Variants in WDR24 observed in about 807,000 individuals in gnomAD.
The protein encoded by WDR24 is WD repeat domain 24.
In WDR24, 32 loss-of-function variants were observed where a neutral mutation model predicts 66.7. The ratio of observed to expected loss-of-function variants is 0.48; its 90% CI spans 0.36 to 0.64. WDR24 has a LOEUF of 0.64. Among genes scored for constraint, WDR24 ranks in the 30% least tolerant of loss-of-function variants. The pLI, the probability that WDR24 is intolerant of heterozygous loss-of-function variation, is 0.00. For missense variants in WDR24, 978 were observed against 1,144.1 expected, an observed-to-expected ratio of 0.85 and a Z score of 2.09; for synonymous variants, 565 against 469.1, an observed-to-expected ratio of 1.20 and a Z score of -2.64.
At chr16:688,773 C>T (rs2039937198) in intron 1 of WDR24, among the ~76,000 whole-genome samples, 1 of 152,266 alleles carries the variant, frequency 6.6e-6, no homozygotes, top group Non-Finnish European at 1.5e-5. Context: ...CTCTGCCTCC[C>T]TGGGCCAGGA....
At chr16:688,758 ACCT>A (rs1216021747) in intron 1 of WDR24, among the ~76,000 whole-genome samples, 2 of 152,068 alleles carry the variant, frequency 1.3e-5, no homozygotes, top group Non-Finnish European at 2.9e-5. Context: ...CAGCAAACCC[ACCT>A]CCTCTGCCTC....
chr16:686,640 G>T (rs1596566418), intron 3 of WDR24, 104 bp downstream of exon 3: 1 of 1,371,216 alleles, frequency 7.3e-7, no homozygotes, highest in East Asian at 2.3e-5. Context: ...CGACTGGCTG[G>T]AGTCCATTGC....
chr16:685,487 C>A lies in WDR24; in HGVS notation c.1789G>T (p.Val597Leu). The A allele has an allele frequency of 6.2e-7, 1 of 1,600,342 alleles. No homozygotes were observed. Among genetic ancestry groups the A allele is most frequent in the Non-Finnish European group, 8.5e-7 (1 of 1,170,666 alleles). ...HLQDKADSPH[V>L]SGSEADVASL... ...GCCACATCCGCCTCGCTGCCGCTCA[C>A]GTGCGGGGAGTCGGCCTTGTCCTGC... Residue 597 changes from valine (V) to leucine (L), a missense_variant, in exon 7 of 9, where the codon GTG (valine) becomes TTG (leucine). By Grantham distance (32) the Val-to-Leu change is conservative (BLOSUM62 1). This residue lies in a region of WDR24 where 676 missense variants were observed against 617.5 expected (regional missense o/e 1.09). Coordinates refer to ENST00000293883, the MANE Select transcript of WDR24 (RefSeq NM_032259.4).
In WDR24 at chr16:686,951, G is replaced by A; in HGVS notation, c.1125C>T (p.His375=). The A allele has an allele frequency of 1.2e-6, 2 of 1,601,022 alleles. No homozygotes were observed. The highest frequency in any genetic ancestry group is 1.7e-6 in the Non-Finnish European group (2 of 1,177,084). The change falls in exon 3 of 9, where the codon CAC becomes CAT. Residue 375 remains histidine, a synonymous_variant. Coordinates refer to ENST00000293883, the MANE Select transcript of WDR24 (RefSeq NM_032259.4). ...GRKPYTGDRR[H]PIFFKRKLDP... The stretch of plus-strand genomic sequence containing the variant: ...CCAGCTTGCGCTTAAAGAAGATGGG[G>A]TGGCGCCGGTCGCCAGTGTAGGGCT...
At position 686,815 on chromosome 16, in the gene WDR24, G is replaced by C. The variant is rs747883266; in HGVS notation, c.1261C>G (p.Leu421Val). 3.1e-6 allele frequency: 5 copies of C among 1,612,160 alleles called. No individual in the cohort carries two copies. The Admixed American group carries it at 6.7e-5, about 22-fold the overall frequency. ...AGCTCGGCCAGTGGCCGGCCAGCCAGCGCATAACGCTCAGCTGTGTCCACA... is the reference window on the plus strand; with the variant it reads ...AGCTCGGCCAGTGGCCGGCCAGCCACCGCATAACGCTCAGCTGTGTCCACA... ...WFVDTAERYA[L>V]AGRPLAELCD... Residue 421 changes from leucine to valine, a missense_variant, in exon 3 of 9, where the codon CTG (leucine) becomes GTG (valine). Transcript: ENST00000293883.
Position 685,037 on chromosome 16 carries a change from C to G in WDR24, c.2159G>C (p.Ser720Thr). The part of the protein sequence containing the change: ...QASTTLHVNC[S>T]HCKRPMSSRG... ...GCTGCTCATGGGCCGCTTGCAGTGG[C>G]TGCAGTTGACGTGCAGGGTGGTGGA... The change falls in exon 8 of 9, where the codon AGC (serine) becomes ACC (threonine). Residue 720 changes from serine (S) to threonine (T), a missense_variant. Coordinates refer to ENST00000293883, the MANE Select transcript of WDR24 (RefSeq NM_032259.4). The G allele has an allele frequency of 1.3e-6, 2 of 1,557,368 alleles. No homozygotes were observed. Among genetic ancestry groups the G allele is most frequent in the Non-Finnish European group, 1.7e-6 (2 of 1,152,528 alleles).
intron 1 of WDR24, 141 bp from the exon 2 acceptor site, chr16:687,880 C>G (rs1296051790): frequency 3.4e-6 from 4 of 1,165,006 alleles, no homozygotes; most frequent in Non-Finnish European, 2.5e-6. Context: ...TCCCCAAGAT[C>G]TGCCCAAGGA....
intron 3 of WDR24, among the ~76,000 whole-genome samples, 194 bp downstream of exon 3, chr16:686,550 G>A (rs2039909869): frequency 1.1e-5 from 1 of 91,636 alleles, no homozygotes; most frequent in African/African-American, 5.6e-5. Flanking sequence ...TCAGAGGACA[G>A]TCCTGGGTCT....
At position 690,228 on chromosome 16, in the gene WDR24, A is replaced by T; in HGVS notation, c.-588T>A. Reference sequence around the variant, plus strand: ...GGTGTCTGGCGGGACCGGAGGCAGGAGAGAAGCCGGCGACCCCGGAGTACA... The same window carrying T: ...GGTGTCTGGCGGGACCGGAGGCAGGTGAGAAGCCGGCGACCCCGGAGTACA... On this transcript the variant is annotated 5_prime_UTR_variant, in exon 1 of 9. Transcript: ENST00000293883. The T allele has an allele frequency of 2.5e-6, 1 of 394,340 alleles. No individual in the cohort carries two copies. 24.4% of individuals were successfully genotyped at this position (394,340 alleles called of 1,614,324 possible). A position where few individuals can be genotyped will look rare whatever the true frequency, so the allele number is the denominator to read the frequency against.
In WDR24 at chr16:689,514, C is replaced by G. The variant is rs1228265075; in HGVS notation, c.127G>C (p.Val43Leu). Reference protein sequence around the residue: ...SVCRDAAQVVVAGRSIFKIYA... With the variant: ...SVCRDAAQVVLAGRSIFKIYA... ...ATCTTGAAGATGCTACGGCCTGCCACGACCACCTGGGCTGCGTCGCGGCAC... is the reference window on the plus strand; with the variant it reads ...ATCTTGAAGATGCTACGGCCTGCCAGGACCACCTGGGCTGCGTCGCGGCAC... The change falls in exon 1 of 9, where the codon GTG becomes CTG. Residue 43 changes from valine (V) to leucine (L), a missense_variant. Physicochemically the swap from Val to Leu is conservative, Grantham distance 32. Coordinates refer to ENST00000293883, the MANE Select transcript of WDR24 (RefSeq NM_032259.4). The G allele has an allele frequency of 6.2e-7, 1 of 1,613,162 alleles. No individual in the cohort carries two copies. The highest frequency in any genetic ancestry group is 8.5e-7 in the Non-Finnish European group (1 of 1,180,054).
intron 1 of WDR24, 80 bp downstream of exon 1, chr16:689,080 G>C: frequency 1.3e-6 from 2 of 1,567,568 alleles, no homozygotes; most frequent in East Asian, 2.3e-5. Context: ...TCTGATGCAC[G>C]GAGCCCTTTT....
At chr16:688,348 C>G (rs552498079) in intron 1 of WDR24, among the ~76,000 whole-genome samples, 35 of 152,334 alleles carry the variant, frequency 2.3e-4, no homozygotes, top group African/African-American at 7.7e-4. Context: ...GTGCAAGTGG[C>G]ACGATCTGGG....
intron 1 of WDR24, among the ~76,000 whole-genome samples, chr16:688,395 C>T (rs2039933614): frequency 6.6e-6 from 1 of 152,248 alleles, no homozygotes; most frequent in South Asian, 2.1e-4. Flanking sequence ...TCAAGCAATT[C>T]TCCTGCCCCA....
rs149004720 is a variant in WDR24 at position 687,570 on chromosome 16, G to A, written c.651C>T (p.Pro217=). The A allele has an allele frequency of 1.2e-5, 20 of 1,612,612 alleles. No individual in the cohort carries two copies. Among genetic ancestry groups the A allele is most frequent in the Middle Eastern group, 1.7e-4 (1 of 6,056 alleles). Residue 217 remains proline (P), a synonymous_variant, in exon 2 of 9, where the codon CCC becomes CCT. Transcript: ENST00000293883. ...GCACCCCCATGCCACACCTGTCCTC[G>A]GGGTGCCAGTCGCAGCAGAAGACGG... ...NGPVFCCDWH[P]EDRGWLATGG...
Position 685,458 on chromosome 16 carries a change from G to C in WDR24, c.1818C>G (p.Ser606=). Residue 606 remains serine, a synonymous_variant, in exon 7 of 9, where the codon TCC becomes TCG. Coordinates refer to ENST00000293883, the MANE Select transcript of WDR24 (RefSeq NM_032259.4). ...HVSGSEADVA[S]LAPVDSSFSL... is the part of the protein sequence containing the mutation. ...AGAAGGAGGAGTCCACGGGGGCCAGGGAGGCCACATCCGCCTCGCTGCCGC... is the reference window on the plus strand; with the variant it reads ...AGAAGGAGGAGTCCACGGGGGCCAGCGAGGCCACATCCGCCTCGCTGCCGC... The C allele has an allele frequency of 6.2e-7, 1 of 1,605,544 alleles. No individual in the cohort carries two copies. Among genetic ancestry groups the C allele is most frequent in the Non-Finnish European group, 8.5e-7 (1 of 1,174,170 alleles).
chr16:688,613 G>A (rs978099649), intron 1 of WDR24, among the ~76,000 whole-genome samples: 2 of 152,240 alleles, frequency 1.3e-5, no homozygotes, highest in Admixed American at 1.3e-4. Flanking sequence ...TAAGTGGCCT[G>A]AAAATTCTCT....
At position 689,238 on chromosome 16, in the gene WDR24, C is replaced by A; in HGVS notation, c.403G>T (p.Val135Leu). The change falls in exon 1 of 9, where the codon GTG becomes TTG. Residue 135 changes from valine (V) to leucine (L), a missense_variant. By Grantham distance (32) the Val-to-Leu change is conservative. Transcript: ENST00000293883. The part of the protein sequence containing the change: ...KVCFHPTEAH[V>L]LLSGSQDGFM... ...CCATCCTGGGAGCCACTGAGCAGCA[C>A]GTGGGCTTCGGTGGGGTGGAAGCAG... is the stretch of plus-strand genomic sequence containing the variant. The A allele has an allele frequency of 6.2e-7, 1 of 1,614,022 alleles. No individual in the cohort carries two copies. Among genetic ancestry groups the A allele is most frequent in the Non-Finnish European group, 8.5e-7 (1 of 1,180,032 alleles).
chr16:688,603 T>G (rs1356888007), intron 1 of WDR24, among the ~76,000 whole-genome samples: 1 of 152,232 alleles, frequency 6.6e-6, no homozygotes, highest in Admixed American at 6.5e-5. Context: ...GGATCTGTCT[T>G]AAGTGGCCTG....
At position 689,936 on chromosome 16, in the gene WDR24, A is replaced by C. The variant is rs2039947452; in HGVS notation, c.-296T>G. The C allele has an allele frequency of 1.6e-6, 1 of 625,936 alleles. No homozygotes were observed. The highest frequency in any genetic ancestry group is 3.0e-6 in the Non-Finnish European group (1 of 336,544). 38.8% of individuals were successfully genotyped at this position (625,936 alleles called of 1,614,324 possible). ...GTTTCATGTCTGACTTCCACGGAAG[A>C]CTCTAGCTGGACATTCCCGGCCCAG... is the stretch of plus-strand genomic sequence containing the variant. On this transcript the variant is annotated 5_prime_UTR_variant, in exon 1 of 9. Coordinates refer to ENST00000293883, the MANE Select transcript of WDR24 (RefSeq NM_032259.4).
Sources: allele counts gnomAD v4.1 joint callset (sites outside exome capture counted in the v4.1 genomes callset), GRCh38; gene constraint gnomAD v4.1.1; regional missense constraint gnomAD v4.1.1; transcripts MANE v1.5; gene names NCBI Gene and HGNC (gene_info 2026-07-23, HGNC 2026-07-21).